PLXNB2: variants seen among roughly 807,000 people sequenced by gnomAD.
The protein encoded by PLXNB2 is plexin-B2.
A neutral mutation model predicts 202.6 loss-of-function variants in PLXNB2; 85 were observed. That is an observed-to-expected ratio of 0.42 (90% CI 0.35 to 0.50). The LOEUF is 0.50. Ranked by LOEUF, PLXNB2 falls within the 20% of genes least tolerant of loss-of-function variation. PLXNB2 has a pLI of 0.02. For synonymous variants in PLXNB2, 1,239 were observed against 1,137.6 expected (o/e 1.09, Z -1.79); for missense variants, 2,063 against 2,586.2 (o/e 0.80, Z 4.39).
In PLXNB2 at chr22:50,279,047, C is replaced by A. The variant is rs28622189; in HGVS notation, c.4390-36G>T. The A allele has an allele frequency of 0.012, 18,260 of 1,574,148 alleles. 1,750 individuals carry two copies. In the African/African-American group the frequency reaches 0.21, roughly 19 times the overall value. On this transcript the variant is annotated intron_variant, in intron 27 of 36. Coordinates refer to ENST00000359337, the MANE Select transcript of PLXNB2 (RefSeq NM_012401.4). ...ATCCGGGATGAAGCCCAGTGGGAGG[C>A]CCTGCTCTTACCTGCACCATGCAGG...
At chr22:50,279,167 G>A (rs1172573361) in intron 27 of PLXNB2, among the ~76,000 whole-genome samples, 156 bp from the exon 28 acceptor site, 2 of 152,236 alleles carry the variant, frequency 1.3e-5, no homozygotes, top group Non-Finnish European at 2.9e-5. Flanking sequence ...AGGCTTCCCA[G>A]ATGACCACAC....
rs576451438 is a variant in PLXNB2 at position 50,304,283 on chromosome 22, T to C, written c.-74+3270A>G. On this transcript the variant is annotated intron_variant, in intron 1 of 36. Coordinates refer to ENST00000359337, the MANE Select transcript of PLXNB2 (RefSeq NM_012401.4). ...CCTGGGGCCAGTCACTGTCACAGGT[T>C]CATGAATCTCACAGGGCAGGGTGGA... Among the ~76,000 whole-genome samples the C allele has an allele frequency of 2.5e-3, 380 of 152,280 alleles. 1 individual carries two copies. The highest frequency in any genetic ancestry group is 3.2e-3 in the Non-Finnish European group (216 of 67,992).
In PLXNB2 at chr22:50,277,579, C is replaced by T. The variant is rs1195481646; in HGVS notation, c.5196+12G>A. Reference sequence around the variant, plus strand: ...GGCCTCCCTGCCCCAGACCTGCCCCCACCCCACTCACGCGGCTCAGCTTAT... The same window carrying T: ...GGCCTCCCTGCCCCAGACCTGCCCCTACCCCACTCACGCGGCTCAGCTTAT... On this transcript the variant is annotated intron_variant, in intron 33 of 36. Coordinates refer to ENST00000359337, the MANE Select transcript of PLXNB2 (RefSeq NM_012401.4). 1 of 1,555,824 alleles carries T rather than the reference C, an allele frequency of 6.4e-7. No individual in the cohort carries two copies. Among genetic ancestry groups the T allele is most frequent in the East Asian group, 2.3e-5 (1 of 44,126 alleles).
intron 2 of PLXNB2, 34 bp from the exon 3 acceptor site, chr22:50,290,631 A>G (rs1400790382): frequency 6.7e-7 from 1 of 1,502,152 alleles, no homozygotes; most frequent in East Asian, 2.4e-5. Flanking sequence ...GGGAGCCCCG[A>G]CCCAGAGGAC....
rs1011318570 is a variant in PLXNB2, at chr22:50,275,405, C to T, written c.*299G>A. 1.6e-5 allele frequency: 8 copies of T among 504,830 alleles called. No homozygotes were observed. The highest frequency in any genetic ancestry group is 4.6e-5 in the South Asian group (3 of 64,916). 31.3% of individuals were successfully genotyped at this position (504,830 alleles called of 1,614,324 possible). ...GGAGGCGGAGGCCAGCTGCCCCCAGCGTGGCAGCGTAAGGCACATTTTCAA... is the reference window on the plus strand; with the variant it reads ...GGAGGCGGAGGCCAGCTGCCCCCAGTGTGGCAGCGTAAGGCACATTTTCAA... On this transcript the variant is annotated 3_prime_UTR_variant, in exon 37 of 37. Transcript: ENST00000359337.
chr22:50,275,084 TAGGGCAGCCTG>T lies in PLXNB2; in HGVS notation c.*609_*619del, dbSNP rs1342306101. The T allele has an allele frequency of 4.4e-6, 1 of 225,800 alleles. No homozygotes were observed. Among genetic ancestry groups the T allele is most frequent in the African/African-American group, 2.3e-5 (1 of 42,732 alleles). 14.0% of individuals were successfully genotyped at this position (225,800 alleles called of 1,614,324 possible). ...AGTCCCCCCGGACTGGGTGGGGCTC[TAGGGCAGCCTG>T]TCTGACAGACCAGGACCCCAGGATG... On this transcript the variant is annotated 3_prime_UTR_variant, in exon 37 of 37. Coordinates refer to ENST00000359337, the MANE Select transcript of PLXNB2 (RefSeq NM_012401.4).
rs577907042 is a variant in PLXNB2, at chr22:50,291,517, G to A, written c.-13-920C>T. Among the ~76,000 whole-genome samples, 1 of 152,066 alleles carries A rather than the reference G, an allele frequency of 6.6e-6. No homozygotes were observed. ...TGCTGAGGACCAGGCTGAGCTGAGG[G>A]TCTCCCAATAGGAGGAAGATCCAAG... is the stretch of plus-strand genomic sequence containing the variant. On this transcript the variant is annotated intron_variant, in intron 2 of 36. Transcript: ENST00000359337. The surrounding 1 kb of genome is among the most constrained non-coding windows in gnomAD (Gnocchi z 4.3).
rs2067142275 is a variant in PLXNB2 at position 50,294,833 on chromosome 22, C to T, written c.-73-55G>A. Reference sequence around the variant, plus strand: ...AAGAGGAGCCCGGTCTGCTGTGGAGCCCCCCACCTCTGTCCCATGCTGGTG... The same window carrying T: ...AAGAGGAGCCCGGTCTGCTGTGGAGTCCCCCACCTCTGTCCCATGCTGGTG... On this transcript the variant is annotated intron_variant, in intron 1 of 36. Coordinates refer to ENST00000359337, the MANE Select transcript of PLXNB2 (RefSeq NM_012401.4). 3.7e-5 allele frequency: 32 copies of T among 867,870 alleles called. No homozygotes were observed. In the South Asian group the frequency reaches 1.2e-3, roughly 34 times the overall value. 53.8% of individuals were successfully genotyped at this position (867,870 alleles called of 1,614,324 possible).
chr22:50,289,974 G>C lies in PLXNB2; in HGVS notation c.611C>G (p.Ala204Gly). ...REAFEAYTDH[A>G]TYKAGYLSTN... ...GGACAGGTAGCCGGCCTTGTAGGTG[G>C]CGTGGTCCGTGTAGGCTTCAAAGGC... Residue 204 changes from alanine (A) to glycine (G), a missense_variant, in exon 3 of 37, where the codon GCC becomes GGC. This residue lies in a region of PLXNB2 where 1,303 missense variants were observed against 1,476.8 expected (regional missense o/e 0.88). Coordinates refer to ENST00000359337, the MANE Select transcript of PLXNB2 (RefSeq NM_012401.4). The surrounding 1 kb of genome is among the most constrained non-coding windows in gnomAD (Gnocchi z 8.0). 1 of 1,613,342 alleles carries C rather than the reference G, an allele frequency of 6.2e-7. No individual in the cohort carries two copies. The highest frequency in any genetic ancestry group is 1.1e-5 in the South Asian group (1 of 91,088).
At position 50,281,860 on chromosome 22, in the gene PLXNB2, G is replaced by A. The variant is rs532077510; in HGVS notation, c.3339C>T (p.His1113=). The change falls in exon 20 of 37, where the codon CAC becomes CAT. Residue 1113 remains histidine (H), a synonymous_variant. Coordinates refer to ENST00000359337, the MANE Select transcript of PLXNB2 (RefSeq NM_012401.4). ...GVKKQVNKLI[H]ARGTNLNKAM... is the part of the protein sequence containing the mutation. The stretch of plus-strand genomic sequence containing the variant: ...GGGGCTGCACCGTCCTCACCCGGGC[G>A]TGGATGAGCTTGTTGACCTGCTTCT... 192 of 1,611,952 alleles carry A rather than the reference G, an allele frequency of 1.2e-4. 1 individual carries two copies. In the South Asian group the frequency reaches 1.3e-3, roughly 11 times the overall value.
rs111671189 is a variant in PLXNB2, at chr22:50,279,837, C to T, written c.4243-61G>A. Reference sequence around the variant, plus strand: ...GGACTTGGGGCCTGGAAGGGGCCCCCGGAGCCCTGGCCAGAGGCATGGACG... The same window carrying T: ...GGACTTGGGGCCTGGAAGGGGCCCCTGGAGCCCTGGCCAGAGGCATGGACG... On this transcript the variant is annotated intron_variant, in intron 26 of 36. Coordinates refer to ENST00000359337, the MANE Select transcript of PLXNB2 (RefSeq NM_012401.4). The T allele has an allele frequency of 2.2e-4, 353 of 1,586,182 alleles. 6 individuals carry two copies. In the South Asian group the frequency reaches 2.7e-3, roughly 12 times the overall value.
At chr22:50,276,982 TC>T in intron 33 of PLXNB2, 76 bp from the exon 34 acceptor site, 2 of 1,059,558 alleles carry the variant, frequency 1.9e-6, no homozygotes, top group Non-Finnish European at 2.8e-6. Context: ...CTGGGTAGCT[TC>T]CCCTGCCCCG....
rs2066717304 is a variant in PLXNB2, at chr22:50,289,499, A to G, written c.1068+18T>C. 2 of 1,591,242 alleles carry G rather than the reference A, an allele frequency of 1.3e-6. No individual in the cohort carries two copies. The highest frequency in any genetic ancestry group is 2.7e-5 in the African/African-American group (2 of 74,266). Reference sequence around the variant, plus strand: ...CGCCTGCAGTCCGGGCCCTGCGAGAACACACTGAGGCCCATACCGGCGCGT... The same window carrying G: ...CGCCTGCAGTCCGGGCCCTGCGAGAGCACACTGAGGCCCATACCGGCGCGT... On this transcript the variant is annotated intron_variant, in intron 3 of 36. Transcript: ENST00000359337. This position sits in a 1 kb window ranked among gnomAD's most constrained non-coding sequence, Gnocchi z 8.0.
rs751429886 is a variant in PLXNB2 at position 50,281,685 on chromosome 22, C to T, written c.3403G>A (p.Glu1135Lys). ...GTCAGCGTCTTCATGGTGCAGCGCTCGGCACCCACGAAGGCCTCGGCCTCC... is the reference window on the plus strand; with the variant it reads ...GTCAGCGTCTTCATGGTGCAGCGCTTGGCACCCACGAAGGCCTCGGCCTCC... ...LQEAEAFVGAERCTMKTLTET... is the reference protein window; with the variant it reads ...LQEAEAFVGAKRCTMKTLTET... Residue 1135 changes from glutamate to lysine, a missense_variant, in exon 21 of 37, where the codon GAG (glutamate) becomes AAG (lysine). Glu to Lys is a moderately conservative substitution (Grantham distance 56). This residue lies in a region of PLXNB2 where 760 missense variants were observed against 1,109.4 expected (regional missense o/e 0.69). Coordinates refer to ENST00000359337, the MANE Select transcript of PLXNB2 (RefSeq NM_012401.4). The T allele has an allele frequency of 1.0e-5, 16 of 1,572,280 alleles. No individual in the cohort carries two copies. The highest frequency in any genetic ancestry group is 1.2e-5 in the South Asian group (1 of 84,986).
At position 50,290,137 on chromosome 22, in the gene PLXNB2, C is replaced by T; in HGVS notation, c.448G>A (p.Gly150Ser). The change falls in exon 3 of 37, where the codon GGC becomes AGC. Residue 150 changes from glycine to serine, a missense_variant. This residue lies in a region of PLXNB2 where 1,303 missense variants were observed against 1,476.8 expected (regional missense o/e 0.88). Coordinates refer to ENST00000359337, the MANE Select transcript of PLXNB2 (RefSeq NM_012401.4). ...CTCACCAGCCCCACTGTGGCCACGC[C>T]CTCATCATTGCTGGCCACGAAAGAC... ...EKSFVASNDE[G>S]VATVGLVSST... The T allele has an allele frequency of 6.2e-7, 1 of 1,613,018 alleles. No individual in the cohort carries two copies. The highest frequency in any genetic ancestry group is 8.5e-7 in the Non-Finnish European group (1 of 1,179,996).
intron 1 of PLXNB2, among the ~76,000 whole-genome samples, chr22:50,301,032 G>A (rs541194146): frequency 5.3e-4 from 81 of 152,242 alleles, no homozygotes; most frequent in South Asian, 6.2e-4. Flanking sequence ...TGTATATGGT[G>A]CGTCCCTAGA....
chr22:50,301,544 C>A, intron 1 of PLXNB2: 2 of 278,024 alleles, frequency 7.2e-6, no homozygotes, highest in Non-Finnish European at 1.1e-5. Flanking sequence ...TGAAAGGAGG[C>A]CTCCCGGCCC....
At chr22:50,298,866 G>A (rs992662552) in intron 1 of PLXNB2, among the ~76,000 whole-genome samples, 6 of 152,210 alleles carry the variant, frequency 3.9e-5, no homozygotes, top group African/African-American at 9.6e-5. Context: ...GACCGGTTTC[G>A]AACTCCTGAG....
chr22:50,288,721 T>C lies in PLXNB2; in HGVS notation c.1380+22A>G. ...CGGGCACACTTGGCCTAGAGTGCTCTCCGGGGCTGCGTCTGGCTCACCTTG... is the reference window on the plus strand; with the variant it reads ...CGGGCACACTTGGCCTAGAGTGCTCCCCGGGGCTGCGTCTGGCTCACCTTG... On this transcript the variant is annotated intron_variant, in intron 5 of 36. Coordinates refer to ENST00000359337, the MANE Select transcript of PLXNB2 (RefSeq NM_012401.4). The surrounding 1 kb of genome is among the most constrained non-coding windows in gnomAD (Gnocchi z 5.0). 1 of 1,612,078 alleles carries C rather than the reference T, an allele frequency of 6.2e-7. No individual in the cohort carries two copies. The highest frequency in any genetic ancestry group is 8.5e-7 in the Non-Finnish European group (1 of 1,179,670).
Sources: allele counts gnomAD v4.1 joint callset (sites outside exome capture counted in the v4.1 genomes callset), GRCh38; gene constraint gnomAD v4.1.1; regional missense constraint gnomAD v4.1.1; non-coding constraint Gnocchi (gnomAD v3.1); transcripts MANE v1.5; gene names NCBI Gene and HGNC (gene_info 2026-07-23, HGNC 2026-07-21).